Variants in FRMD5 observed in about 807,000 individuals in gnomAD.
The protein encoded by FRMD5 is FERM domain containing 5.
In FRMD5, 20 loss-of-function variants were observed where a neutral mutation model predicts 69.0. The ratio of observed to expected loss-of-function variants is 0.29; its 90% CI spans 0.20 to 0.42. The LOEUF is 0.42. Ranked by LOEUF, FRMD5 falls within the 10% of genes least tolerant of loss-of-function variation. The probability of loss-of-function intolerance (pLI) is 1.00; values close to 1 mark genes in which losing one functional copy is unlikely to be tolerated. For synonymous variants in FRMD5, 271 were observed against 260.1 expected (o/e 1.04, Z -0.40); for missense variants, 595 against 708.6 (o/e 0.84, Z 1.82).
At chr15:43,914,042 G>A (rs890329197) in intron 4 of FRMD5, among the ~76,000 whole-genome samples, 2 of 152,206 alleles carry the variant, frequency 1.3e-5, no homozygotes, top group African/African-American at 4.8e-5. Context: ...TTGAATGCTA[G>A]TGTTGTCCTA....
chr15:43,919,935 A>C, intron 2 of FRMD5, 126 bp from the exon 3 acceptor site: 1 of 847,170 alleles, frequency 1.2e-6, no homozygotes, highest in Non-Finnish European at 2.0e-6. Context: ...AAGCTTATGA[A>C]AGATAAGTTT....
At chr15:44,030,215 A>AT (rs2140281989) in intron 1 of FRMD5, among the ~76,000 whole-genome samples, 1 of 152,074 alleles carries the variant, frequency 6.6e-6, no homozygotes, top group African/African-American at 2.4e-5. Context: ...TACAAAATTA[A>AT]TTTTTGTTGA....
intron 1 of FRMD5, among the ~76,000 whole-genome samples, chr15:44,006,816 T>C (rs1321510579): frequency 1.3e-5 from 2 of 152,244 alleles, no homozygotes; most frequent in Non-Finnish European, 2.9e-5. Context: ...TGGAAACTAC[T>C]CCTGGTGAAG....
chr15:43,883,763 G>C lies in FRMD5; in HGVS notation c.1075C>G (p.Pro359Ala). Residue 359 changes from proline (P) to alanine (A), a missense_variant, in exon 13 of 14, where the codon CCA becomes GCA. By Grantham distance (27) the Pro-to-Ala change is conservative (BLOSUM62 -1). This residue lies in a region of FRMD5 where 176 missense variants were observed against 266.3 expected (regional missense o/e 0.66). Coordinates refer to ENST00000417257, the MANE Select transcript of FRMD5 (RefSeq NM_032892.5). ...GTCCTGGGGACGCTGCTCAGCCTTG[G>C]GCCATGGGTTATGGAGGGACAGCTC... ...SRSCPSITHG[P>A]RLSSVPRTRR... is the part of the protein sequence containing the mutation. The C allele has an allele frequency of 6.2e-7, 1 of 1,614,070 alleles. No individual in the cohort carries two copies. Among genetic ancestry groups the C allele is most frequent in the South Asian group, 1.1e-5 (1 of 91,076 alleles).
Position 43,973,796 on chromosome 15 carries a change from G to C in FRMD5, c.103-49487C>G, listed in dbSNP as rs150482980. Among the ~76,000 whole-genome samples, 1,148 of 150,664 alleles carry C rather than the reference G, an allele frequency of 7.6e-3. 15 individuals carry two copies. Among genetic ancestry groups the C allele is most frequent in the African/African-American group, 0.027 (1,093 of 40,958 alleles). On this transcript the variant is annotated intron_variant, in intron 1 of 13. Coordinates refer to ENST00000417257, the MANE Select transcript of FRMD5 (RefSeq NM_032892.5). ...CTTAATACAACCCAAACCTCTATTT[G>C]GTTTTAGAGAAACTTATATACCATT...
At chr15:44,060,498 A>G (rs989251810) in intron 1 of FRMD5, among the ~76,000 whole-genome samples, 4 of 152,252 alleles carry the variant, frequency 2.6e-5, no homozygotes, top group Non-Finnish European at 4.4e-5. Flanking sequence ...AATAGATTAA[A>G]GTAAGATAAA....
chr15:43,904,546 AC>A (rs1258983111), intron 6 of FRMD5, among the ~76,000 whole-genome samples: 1 of 151,436 alleles, frequency 6.6e-6, no homozygotes, highest in Non-Finnish European at 1.5e-5. Context: ...TTATTTATTT[AC>A]TTTCATTTTT....
At chr15:43,900,599 A>C (rs1367469854) in intron 7 of FRMD5, among the ~76,000 whole-genome samples, 1 of 149,802 alleles carries the variant, frequency 6.7e-6, no homozygotes, top group Admixed American at 6.6e-5. Flanking sequence ...TCCCTATGTC[A>C]CTGTGCTCAT....
In FRMD5 at chr15:44,189,490, CT is replaced by C. The variant is rs762693920; in HGVS notation, c.102+5462del. Among the ~76,000 whole-genome samples the C allele has an allele frequency of 7.9e-3, 1,061 of 134,878 alleles. 6 individuals carry two copies. Among genetic ancestry groups the C allele is most frequent in the African/African-American group, 0.013 (473 of 36,948 alleles). The allele number at this position is 134,878 out of a possible 152,430, so 88.5% of individuals were successfully genotyped here. A position where few individuals can be genotyped will look rare whatever the true frequency, so the allele number is the denominator to read the frequency against. On this transcript the variant is annotated intron_variant, in intron 1 of 13. Transcript: ENST00000417257. The stretch of plus-strand genomic sequence containing the variant: ...TTTACAGTGCTTGTAAAAGTCAAGA[CT>C]TTTTTTTTTTTTTTTGGGACAGAGT...
intron 1 of FRMD5, among the ~76,000 whole-genome samples, chr15:43,977,647 G>A (rs899554748): frequency 2.0e-5 from 3 of 152,202 alleles, no homozygotes; most frequent in African/African-American, 4.8e-5. Flanking sequence ...TAAAGGGAGT[G>A]CCCAATGGAG....
chr15:44,130,701 A>C (rs547001865), intron 1 of FRMD5, among the ~76,000 whole-genome samples: 1 of 152,310 alleles, frequency 6.6e-6, no homozygotes, highest in African/African-American at 2.4e-5. Flanking sequence ...GTATGGAACA[A>C]ATGGAAAAAA....
At chr15:44,104,533 G>A (rs1177650373) in intron 1 of FRMD5, among the ~76,000 whole-genome samples, 1 of 152,158 alleles carries the variant, frequency 6.6e-6, no homozygotes, top group East Asian at 1.9e-4. Flanking sequence ...CCATATAGGT[G>A]TACCATTTTT....
At position 44,112,271 on chromosome 15, in the gene FRMD5, GTTTT is replaced by G. The variant is rs564961758; in HGVS notation, c.102+82678_102+82681del. On this transcript the variant is annotated intron_variant, in intron 1 of 13. Coordinates refer to ENST00000417257, the MANE Select transcript of FRMD5 (RefSeq NM_032892.5). ...GAATTATAGTGAACTTATACTAGAA[GTTTT>G]ATTTAAAAATTCCTGTTATATGGTT... 1.2e-3 allele frequency among the ~76,000 whole-genome samples: 182 copies of G among 152,268 alleles called. No individual in the cohort carries two copies. In the Middle Eastern group the frequency reaches 0.027, roughly 23 times the overall value.
intron 1 of FRMD5, among the ~76,000 whole-genome samples, chr15:44,025,189 A>C (rs1419944165): frequency 1.3e-5 from 2 of 152,210 alleles, no homozygotes; most frequent in South Asian, 2.1e-4. Flanking sequence ...GGGGGGATAC[A>C]AATATATACA....
intron 1 of FRMD5, among the ~76,000 whole-genome samples, chr15:44,004,735 C>T (rs1890361843): frequency 6.6e-6 from 1 of 152,156 alleles, no homozygotes; most frequent in Admixed American, 6.5e-5. Context: ...CTTTCAATGG[C>T]CTGTAAGTGT....
At chr15:44,137,811 G>A (rs146144783) in intron 1 of FRMD5, among the ~76,000 whole-genome samples, 9 of 152,202 alleles carry the variant, frequency 5.9e-5, no homozygotes, top group African/African-American at 2.2e-4. Flanking sequence ...ACTTCTGTAG[G>A]TCAATGAAAA....
chr15:44,041,224 G>A (rs1216801593), intron 1 of FRMD5, among the ~76,000 whole-genome samples: 2 of 151,986 alleles, frequency 1.3e-5, no homozygotes, highest in African/African-American at 4.8e-5. Context: ...CCTACAAAGA[G>A]ACTTAGACTC....
chr15:43,928,398 G>A lies in FRMD5; in HGVS notation c.103-4089C>T, dbSNP rs113453187. On this transcript the variant is annotated intron_variant, in intron 1 of 13. Transcript: ENST00000417257. Reference sequence around the variant, plus strand: ...AGGTAGAATCAACTTAGAGCTCTGCGCAGAGGCACCTTTCACAGAGGGTTG... The same window carrying A: ...AGGTAGAATCAACTTAGAGCTCTGCACAGAGGCACCTTTCACAGAGGGTTG... Among the ~76,000 whole-genome samples, 1,078 of 152,304 alleles carry A rather than the reference G, an allele frequency of 7.1e-3. 15 individuals are homozygous for A. Among genetic ancestry groups the A allele is most frequent in the African/African-American group, 0.023 (954 of 41,554 alleles).
chr15:44,041,035 C>CAAAAAAAAAAAAAA (rs1892166883), intron 1 of FRMD5, among the ~76,000 whole-genome samples: 1 of 71,800 alleles, frequency 1.4e-5, no homozygotes, highest in Admixed American at 1.8e-4. Context: ...AAAAAAAAAG[C>CAAAAAAAAAAAAAA]AGGGGTTGCA....
Sources: allele counts gnomAD v4.1 joint callset (sites outside exome capture counted in the v4.1 genomes callset), GRCh38; gene constraint gnomAD v4.1.1; regional missense constraint gnomAD v4.1.1; transcripts MANE v1.5; gene names NCBI Gene and HGNC (gene_info 2026-07-23, HGNC 2026-07-21).